The following CADM2 variants were observed in gnomAD, a reference collection of about 807,000 sequenced individuals.
CADM2 encodes the protein cell adhesion molecule 2.
In CADM2, 12 loss-of-function variants were observed where a neutral mutation model predicts 49.8. That is an observed-to-expected ratio of 0.24 (90% CI 0.15 to 0.39). The LOEUF (loss-of-function observed/expected upper bound fraction) is 0.39, where lower values mean the gene tolerates loss of function less well. Among genes scored for constraint, CADM2 ranks in the 10% least tolerant of loss-of-function variants. CADM2 has a pLI of 1.00. For synonymous variants in CADM2, 214 were observed against 175.4 expected (o/e 1.22, Z -1.74); for missense variants, 378 against 492.3 (o/e 0.77, Z 2.20).
At chr3:85,429,418 T>C (rs899036891) in intron 1 of CADM2, among the ~76,000 whole-genome samples, 1 of 152,094 alleles carries the variant, frequency 6.6e-6, no homozygotes, top group Non-Finnish European at 1.5e-5. Flanking sequence ...AAGTAATAAA[T>C]ATGAGCAATC....
intron 6 of CADM2, among the ~76,000 whole-genome samples, chr3:85,919,687 A>T (rs1024342361): frequency 2.0e-5 from 3 of 151,792 alleles, no homozygotes; most frequent in Non-Finnish European, 4.4e-5. Context: ...GTATCAAACT[A>T]TTTCTGAAGA....
At chr3:85,347,510 T>TAC (rs1333434717) in intron 1 of CADM2, among the ~76,000 whole-genome samples, 2 of 145,582 alleles carry the variant, frequency 1.4e-5, no homozygotes, top group Non-Finnish European at 3.0e-5. Flanking sequence ...TAAATATATA[T>TAC]ACACACATAT....
At chr3:85,657,725 T>C (rs13075316) in intron 1 of CADM2, among the ~76,000 whole-genome samples, 188 of 56,154 alleles carry the variant, frequency 3.3e-3, no homozygotes, top group African/African-American at 8.1e-3. Context: ...TATATATATA[T>C]ACAGATATAT....
At chr3:85,202,056 G>T (rs547857902) in intron 1 of CADM2, among the ~76,000 whole-genome samples, 44 of 144,878 alleles carry the variant, frequency 3.0e-4, no homozygotes, top group Non-Finnish European at 5.8e-4. Context: ...CTCCAGCCTG[G>T]TGACAGAGCG....
chr3:85,732,783 T>G (rs2107800230), intron 2 of CADM2, among the ~76,000 whole-genome samples: 1 of 152,260 alleles, frequency 6.6e-6, no homozygotes, highest in Non-Finnish European at 1.5e-5. Context: ...ATTTTCAAAA[T>G]GTGGAAAATG....
intron 1 of CADM2, among the ~76,000 whole-genome samples, chr3:85,563,598 C>A (rs62250472): frequency 0.51 from 77,501 of 151,472 alleles, 22,836 homozygotes; most frequent in East Asian, 0.85. Flanking sequence ...TATCGAGGGC[C>A]ACTAGAAGTC....
intron 1 of CADM2, among the ~76,000 whole-genome samples, chr3:85,578,772 T>G (rs550980260): frequency 6.6e-6 from 1 of 152,372 alleles, no homozygotes; most frequent in East Asian, 1.9e-4. Context: ...TATGTCATCT[T>G]TATTTAACAT....
At chr3:85,684,751 A>G (rs142456015) in intron 1 of CADM2, among the ~76,000 whole-genome samples, 1 of 152,190 alleles carries the variant, frequency 6.6e-6, no homozygotes, top group Admixed American at 6.5e-5. Flanking sequence ...ATCAGCTCTC[A>G]TGAGACTTAT....
intron 8 of CADM2, among the ~76,000 whole-genome samples, chr3:86,036,883 T>C (rs996105798): frequency 6.6e-6 from 1 of 151,380 alleles, no homozygotes; most frequent in Non-Finnish European, 1.5e-5. Flanking sequence ...AGCTTAACAC[T>C]TTTTATTTGA....
chr3:85,215,368 A>C (rs1200668527), intron 1 of CADM2, among the ~76,000 whole-genome samples: 2 of 151,146 alleles, frequency 1.3e-5, no homozygotes, highest in Non-Finnish European at 3.0e-5. Context: ...TAAAAAAAAA[A>C]AAAAAAAAAA....
chr3:85,567,624 G>A (rs2062304479), intron 1 of CADM2, among the ~76,000 whole-genome samples: 1 of 145,178 alleles, frequency 6.9e-6, no homozygotes, highest in South Asian at 2.2e-4. Flanking sequence ...GCTCTCCAGA[G>A]AGACAGAATC....
intron 1 of CADM2, among the ~76,000 whole-genome samples, chr3:85,458,396 A>G (rs569294780): frequency 5.3e-5 from 8 of 152,326 alleles, no homozygotes; most frequent in African/African-American, 1.7e-4. Flanking sequence ...AAAAACAACA[A>G]TAAGCCTTGG....
chr3:85,924,592 A>AAAATAAATAAAT (rs56769723), intron 6 of CADM2, among the ~76,000 whole-genome samples: 6,302 of 146,240 alleles, frequency 0.043, 187 homozygotes, highest in African/African-American at 0.081. Context: ...ACAACATCTA[A>AAAATAAATAAAT]AAATAAATAA....
intron 1 of CADM2, among the ~76,000 whole-genome samples, chr3:85,406,831 A>G (rs1484094665): frequency 6.6e-6 from 1 of 151,784 alleles, no homozygotes; most frequent in Non-Finnish European, 1.5e-5. Flanking sequence ...CTGTCATACC[A>G]CAGTATTTCT....
At chr3:85,333,251 A>G (rs973648890) in intron 1 of CADM2, among the ~76,000 whole-genome samples, 7 of 151,890 alleles carry the variant, frequency 4.6e-5, no homozygotes, top group Non-Finnish European at 1.0e-4. Flanking sequence ...AGTGATACAT[A>G]TAAAAGTAAT....
chr3:84,978,020 A>T (rs1305102611), intron 1 of CADM2, among the ~76,000 whole-genome samples: 1 of 152,166 alleles, frequency 6.6e-6, no homozygotes, highest in African/African-American at 2.4e-5. Context: ...TTCTCCTTTC[A>T]CATAAACATA....
chr3:85,610,031 C>T (rs1023602406), intron 1 of CADM2, among the ~76,000 whole-genome samples: 9 of 151,762 alleles, frequency 5.9e-5, no homozygotes, highest in Admixed American at 5.9e-4. Flanking sequence ...GTCCCCAAAT[C>T]TGATTTAATT....
intron 5 of CADM2, among the ~76,000 whole-genome samples, chr3:85,899,808 C>T (rs932629017): frequency 9.9e-5 from 15 of 152,182 alleles, no homozygotes; most frequent in Admixed American, 4.6e-4. Context: ...CCTGTTTGAA[C>T]ATCATATGCA....
intron 1 of CADM2, among the ~76,000 whole-genome samples, chr3:85,356,145 G>A (rs1451780826): frequency 6.6e-6 from 1 of 152,028 alleles, no homozygotes; most frequent in Non-Finnish European, 1.5e-5. Context: ...AGTGGGTGAG[G>A]TAGCTATACT....
Sources: allele counts gnomAD v4.1 joint callset (sites outside exome capture counted in the v4.1 genomes callset), GRCh38; gene constraint gnomAD v4.1.1; transcripts MANE v1.5; gene names NCBI Gene and HGNC (gene_info 2026-07-23, HGNC 2026-07-21).